The following STT3B variants were observed in gnomAD, a reference collection of about 807,000 sequenced individuals.
STT3B encodes dolichyl-diphosphooligosaccharide--protein glycosyltransferase subunit STT3B.
Under a neutral mutation model 96.8 loss-of-function variants are expected in STT3B, and 29 were observed. The ratio of observed to expected loss-of-function variants is 0.30; its 90% CI spans 0.22 to 0.41. STT3B has a LOEUF of 0.41. STT3B is among the 10% of genes least tolerant of loss of function. The pLI is 1.00. For missense variants in STT3B, 640 were observed against 1,022.3 expected, an observed-to-expected ratio of 0.63 and a Z score of 5.10; for synonymous variants, 367 against 360.0, an observed-to-expected ratio of 1.02 and a Z score of -0.22.
At position 31,629,514 on chromosome 3, in the gene STT3B, A is replaced by G. The variant is rs185022822; in HGVS notation, c.2187+103A>G. The G allele has an allele frequency of 3.1e-4, 189 of 604,458 alleles. No individual in the cohort carries two copies. In the East Asian group the frequency reaches 4.7e-3, roughly 15 times the overall value. 37.4% of individuals were successfully genotyped at this position (604,458 alleles called of 1,614,324 possible). ...GATAATGATATTTTGATTGTGCTGA[A>G]GAGAAATGTGCTTATCTAAATAGTC... On this transcript the variant is annotated intron_variant, in intron 14 of 15. Transcript: ENST00000295770.
At chr3:31,601,756 A>G (rs1342886805) in intron 5 of STT3B, among the ~76,000 whole-genome samples, 1 of 152,178 alleles carries the variant, frequency 6.6e-6, no homozygotes, top group African/African-American at 2.4e-5. Context: ...TAAAAGATAA[A>G]TTTTATAGTA....
intron 3 of STT3B, among the ~76,000 whole-genome samples, chr3:31,590,409 T>C (rs1486596179): frequency 6.6e-6 from 1 of 152,032 alleles, no homozygotes; most frequent in Non-Finnish European, 1.5e-5. Context: ...TCTACTTTTC[T>C]AGTATAACTA....
intron 14 of STT3B, among the ~76,000 whole-genome samples, chr3:31,632,119 G>A (rs1340262629): frequency 1.3e-5 from 2 of 152,102 alleles, no homozygotes; most frequent in African/African-American, 2.4e-5. Context: ...GCCTCCCAAA[G>A]TACTGGGATT....
chr3:31,575,684 C>T (rs1698248278), intron 1 of STT3B, among the ~76,000 whole-genome samples: 1 of 152,054 alleles, frequency 6.6e-6, no homozygotes, highest in South Asian at 2.1e-4. Flanking sequence ...CTCAGGCAGA[C>T]ACCTCTGATG....
intron 5 of STT3B, among the ~76,000 whole-genome samples, chr3:31,608,170 A>G (rs1464027885): frequency 1.3e-5 from 2 of 152,182 alleles, no homozygotes; most frequent in Non-Finnish European, 2.9e-5. Context: ...TAGGTGAGCC[A>G]AGAGCAGACA....
At chr3:31,540,962 A>G (rs911810034) in intron 1 of STT3B, among the ~76,000 whole-genome samples, 1 of 152,218 alleles carries the variant, frequency 6.6e-6, no homozygotes, top group African/African-American at 2.4e-5. Flanking sequence ...CCTGTAGACT[A>G]TACCCAGTTT....
intron 5 of STT3B, among the ~76,000 whole-genome samples, chr3:31,609,150 A>G (rs1699125955): frequency 6.6e-6 from 1 of 152,162 alleles, no homozygotes; most frequent in African/African-American, 2.4e-5. Context: ...AGAAGAACCA[A>G]AACGTTTTTA....
rs1410769748 is a variant in STT3B at position 31,580,030 on chromosome 3, A to G, written c.645A>G (p.Ser215=). Residue 215 remains serine (S), a synonymous_variant, in exon 3 of 16, where the codon TCA becomes TCG. Coordinates refer to ENST00000295770, the MANE Select transcript of STT3B (RefSeq NM_178862.3). ...TTGTACCAGGCTACATATCTCGGTC[A>G]GTAGCTGGATCCTTTGATAATGAAG... The part of the protein sequence containing the change: ...IAIVPGYISR[S]VAGSFDNEGI... 3.7e-6 allele frequency: 6 copies of G among 1,613,754 alleles called. No homozygotes were observed. The highest frequency in any genetic ancestry group is 1.6e-4 in the Middle Eastern group (1 of 6,078).
chr3:31,608,310 A>G (rs566364245), intron 5 of STT3B, among the ~76,000 whole-genome samples: 1 of 152,322 alleles, frequency 6.6e-6, no homozygotes, highest in East Asian at 1.9e-4. Flanking sequence ...CAGGCACTGA[A>G]GCTAGTTATT....
chr3:31,558,863 G>T (rs1017808095), intron 1 of STT3B, among the ~76,000 whole-genome samples: 1 of 144,024 alleles, frequency 6.9e-6, no homozygotes, highest in Non-Finnish European at 1.5e-5. Context: ...GTCTGTTCAG[G>T]TTTTTTTTTT....
intron 1 of STT3B, among the ~76,000 whole-genome samples, chr3:31,555,369 G>T (rs1697679573): frequency 6.6e-6 from 1 of 152,010 alleles, no homozygotes; most frequent in Non-Finnish European, 1.5e-5. Flanking sequence ...GTTAGGATAA[G>T]CTTTATATTT....
rs183854442 is a variant in STT3B at position 31,541,932 on chromosome 3, C to G, written c.314+8620C>G. On this transcript the variant is annotated intron_variant, in intron 1 of 15. Transcript: ENST00000295770. The stretch of plus-strand genomic sequence containing the variant: ...TATTCACCTGACGGGGTTGCCTGTT[C>G]TTTTATAGCGGGAGGTGCCTCTAGG... Among the ~76,000 whole-genome samples, 570 of 152,198 alleles carry G rather than the reference C, an allele frequency of 3.7e-3. 8 individuals are homozygous for G. Among genetic ancestry groups the G allele is most frequent in the African/African-American group, 0.013 (530 of 41,528 alleles).
intron 12 of STT3B, 70 bp downstream of exon 12, chr3:31,625,155 C>A (rs1699508864): frequency 1.5e-6 from 2 of 1,378,484 alleles, no homozygotes; most frequent in Admixed American, 2.2e-5. Flanking sequence ...TCACTTGTGA[C>A]TAAATAGGAA....
Position 31,614,173 on chromosome 3 carries a change from G to C in STT3B, c.878-932G>C, listed in dbSNP as rs141596535. On this transcript the variant is annotated intron_variant, in intron 5 of 15. Coordinates refer to ENST00000295770, the MANE Select transcript of STT3B (RefSeq NM_178862.3). Reference sequence around the variant, plus strand: ...CACAGTATATAGGATACACAAATACGTGTATTCCTAAATATACCCCCCAAT... The same window carrying C: ...CACAGTATATAGGATACACAAATACCTGTATTCCTAAATATACCCCCCAAT... 8.6e-4 allele frequency among the ~76,000 whole-genome samples: 131 copies of C among 152,030 alleles called. 1 individual carries two copies. The East Asian group carries it at 0.022, about 26-fold the overall frequency.
intron 5 of STT3B, among the ~76,000 whole-genome samples, chr3:31,605,863 A>C (rs1229461383): frequency 6.6e-6 from 1 of 152,212 alleles, no homozygotes; most frequent in African/African-American, 2.4e-5. Flanking sequence ...AATGTGGGAA[A>C]GTTTGGAACT....
chr3:31,631,559 G>T (rs980178968), intron 14 of STT3B, among the ~76,000 whole-genome samples: 1 of 152,110 alleles, frequency 6.6e-6, no homozygotes, highest in African/African-American at 2.4e-5. Flanking sequence ...AATAATATAT[G>T]GTTAAAATAT....
At chr3:31,553,905 A>G (rs1358336399) in intron 1 of STT3B, among the ~76,000 whole-genome samples, 5 of 152,058 alleles carry the variant, frequency 3.3e-5, no homozygotes, top group Non-Finnish European at 7.3e-5. Flanking sequence ...GCCCAAGTTT[A>G]TTGGCCCTGA....
At chr3:31,613,835 CA>C (rs1490542468) in intron 5 of STT3B, among the ~76,000 whole-genome samples, 3 of 152,026 alleles carry the variant, frequency 2.0e-5, no homozygotes, top group South Asian at 2.1e-4. Context: ...AGGGTAATTC[CA>C]TTCCAACATT....
chr3:31,589,718 G>T (rs1294071096), intron 3 of STT3B, among the ~76,000 whole-genome samples: 1 of 151,792 alleles, frequency 6.6e-6, no homozygotes, highest in African/African-American at 2.4e-5. Context: ...TGCTAAATTT[G>T]CATGTTAAAA....
Sources: gnomAD v4.1 joint callset for allele counts (sites outside exome capture counted in the v4.1 genomes callset) on GRCh38, gnomAD v4.1.1 for gene constraint, MANE v1.5 for transcripts, NCBI Gene and HGNC (gene_info 2026-07-23, HGNC 2026-07-21) for gene names.